The following PUDP variants were observed in gnomAD, a reference collection of about 807,000 sequenced individuals.
PUDP encodes the protein pseudouridine-5'-phosphatase.
In PUDP, 8 loss-of-function variants were observed where a neutral mutation model predicts 9.4. The observed-to-expected ratio is 0.85, with a 90% CI of 0.50 to 1.53. PUDP has a LOEUF of 1.53. PUDP is among the 40% of genes most tolerant of loss of function. The pLI is 0.00. For missense variants in PUDP, 188 were observed against 189.7 expected (o/e 0.99, Z 0.05); for synonymous variants, 99 against 80.7 (o/e 1.23, Z -1.22).
intron 1 of PUDP, among the ~76,000 whole-genome samples, chrX:7,113,998 G>A (rs1328138233): frequency 2.7e-5 from 3 of 111,512 alleles, no homozygotes; most frequent in Non-Finnish European, 3.8e-5. Flanking sequence ...GGAGTCCCGA[G>A]GCAGCACAGA....
intron 3 of PUDP, among the ~76,000 whole-genome samples, chrX:6,741,828 CTCT>C (rs1569090396): frequency 1.4e-5 from 1 of 69,339 alleles, no homozygotes; most frequent in East Asian, 3.0e-4. Context: ...CTCTCTCTCT[CTCT>C]TTCTTTCTTT....
chrX:7,045,978 A>T (rs1384990358), downstream of PUDP, among the ~76,000 whole-genome samples: 1 of 112,717 alleles, frequency 8.9e-6, no homozygotes, highest in Non-Finnish European at 1.9e-5. Flanking sequence ...AGAAAGTCAA[A>T]TACAGACACT....
At chrX:6,926,205 T>C in intron 3 of PUDP, among the ~76,000 whole-genome samples, 1 of 111,531 alleles carries the variant, frequency 9.0e-6, no homozygotes, top group East Asian at 2.8e-4. Flanking sequence ...GACACCATGC[T>C]CTTTTCCAAG....
At chrX:6,728,603 G>A (rs147684490) in intron 3 of PUDP, among the ~76,000 whole-genome samples, 49 of 111,776 alleles carry the variant, frequency 4.4e-4, no homozygotes, top group Middle Eastern at 4.6e-3. Context: ...CGAAAGTCAC[G>A]TAGGCAGTGA....
intron 3 of PUDP, among the ~76,000 whole-genome samples, chrX:6,821,366 C>A (rs1926339262): frequency 9.0e-6 from 1 of 111,398 alleles, no homozygotes. Flanking sequence ...AGGGGTGAGA[C>A]TGCCCTGTTC....
At chrX:7,007,248 G>A (rs1929414230) in intron 1 of PUDP, among the ~76,000 whole-genome samples, 1 of 111,728 alleles carries the variant, frequency 9.0e-6, no homozygotes, top group Non-Finnish European at 1.9e-5. Flanking sequence ...GATAAATGAG[G>A]AGTCTGGTGT....
At chrX:6,955,119 C>A (rs1308486419) in intron 3 of PUDP, among the ~76,000 whole-genome samples, 4 of 112,394 alleles carry the variant, frequency 3.6e-5, no homozygotes, top group Admixed American at 9.4e-5. Flanking sequence ...GGATCACCTC[C>A]CTGGGCAGAT....
Position 6,981,997 on chromosome X carries a change from C to A in PUDP, c.205-3654G>T, listed in dbSNP as rs767985228. 1.6e-3 allele frequency among the ~76,000 whole-genome samples: 149 copies of A among 95,305 alleles called. 1 individual carries two copies. The highest frequency in any genetic ancestry group is 3.8e-3 in the African/African-American group (103 of 26,759). The allele number at this position is 95,305 out of a possible 115,157, so 82.8% of individuals were successfully genotyped here. On this transcript the variant is annotated intron_variant and NMD_transcript_variant, in intron 1 of 3. Transcript: ENST00000655425. ...TACAGACACACACACACACACACAC[C>A]CCCAAGAGAAATGAGAACTTATGGA...
intron 3 of PUDP, among the ~76,000 whole-genome samples, chrX:6,878,983 T>C (rs773551455): frequency 8.9e-6 from 1 of 111,960 alleles, no homozygotes; most frequent in Non-Finnish European, 1.9e-5. Context: ...GGACACCTCA[T>C]GAAGCAGTAA....
At chrX:6,933,267 G>C (rs1206831124) in intron 3 of PUDP, among the ~76,000 whole-genome samples, 8 of 109,830 alleles carry the variant, frequency 7.3e-5, no homozygotes, top group Non-Finnish European at 1.3e-4. Context: ...TCACATGGCC[G>C]GGTACTCCTC....
intron 3 of PUDP, among the ~76,000 whole-genome samples, chrX:6,904,016 A>G (rs762013808): frequency 9.3e-6 from 1 of 106,971 alleles, no homozygotes; most frequent in South Asian, 4.4e-4. Flanking sequence ...CAGTGGCTCA[A>G]TCTTGGCTCA....
chrX:6,945,718 A>G (rs973155066), intron 3 of PUDP, among the ~76,000 whole-genome samples: 5 of 111,953 alleles, frequency 4.5e-5, no homozygotes, highest in African/African-American at 1.3e-4. Flanking sequence ...TTGAAAAAAA[A>G]GAAACACAGA....
chrX:6,944,467 G>C (rs951952670), intron 3 of PUDP, among the ~76,000 whole-genome samples: 1 of 107,173 alleles, frequency 9.3e-6, no homozygotes, highest in African/African-American at 3.4e-5. Flanking sequence ...ATACATCAGG[G>C]ACCCCTCTTA....
At chrX:6,983,415 GGTT>G (rs751567623) in intron 1 of PUDP, among the ~76,000 whole-genome samples, 2 of 111,178 alleles carry the variant, frequency 1.8e-5, no homozygotes, top group African/African-American at 6.5e-5. Flanking sequence ...GGGGCCATCC[GGTT>G]GTTAGAAATG....
At chrX:7,016,936 C>T (rs746088545) in intron 1 of PUDP, among the ~76,000 whole-genome samples, 2 of 111,694 alleles carry the variant, frequency 1.8e-5, no homozygotes, top group Non-Finnish European at 3.8e-5. Context: ...CTTTCCACCA[C>T]CTGCCGTGGT....
At chrX:7,006,735 G>A (rs1351008907) in intron 1 of PUDP, among the ~76,000 whole-genome samples, 1 of 111,381 alleles carries the variant, frequency 9.0e-6, no homozygotes, top group Admixed American at 9.5e-5. Flanking sequence ...GGGTCCAGGA[G>A]CAAGAACATG....
intron 3 of PUDP, among the ~76,000 whole-genome samples, chrX:6,744,423 C>T (rs113848210): frequency 4.6e-4 from 51 of 111,299 alleles, no homozygotes; most frequent in East Asian, 8.4e-4. Context: ...AGAAGTGTTA[C>T]GGCTACAATG....
chrX:7,082,031 G>A (rs1417720669), intron 2 of PUDP, among the ~76,000 whole-genome samples: 1 of 112,432 alleles, frequency 8.9e-6, no homozygotes, highest in African/African-American at 3.2e-5. Context: ...AAATGCAAAT[G>A]GAGTTCTGTT....
chrX:6,768,523 A>G (rs191031641), intron 3 of PUDP, among the ~76,000 whole-genome samples: 313 of 111,990 alleles, frequency 2.8e-3, no homozygotes, highest in Non-Finnish European at 4.8e-3. Context: ...AATACATATC[A>G]TGCCCTTTGA....
Sources: gnomAD v4.1 joint callset for allele counts (sites outside exome capture counted in the v4.1 genomes callset) on GRCh38, gnomAD v4.1.1 for gene constraint, MANE v1.5 for transcripts, NCBI Gene and HGNC (gene_info 2026-07-23, HGNC 2026-07-21) for gene names.